The following IQCM variants were observed in gnomAD, a reference collection of about 807,000 sequenced individuals.
The protein encoded by IQCM is IQ motif containing M, also known as IQ domain-containing protein M.
In IQCM, 45 loss-of-function variants were observed where a neutral mutation model predicts 57.6. The ratio of observed to expected loss-of-function variants is 0.78; its 90% CI spans 0.62 to 1.00. IQCM has a LOEUF of 1.00. Among genes scored for constraint, IQCM ranks in the 50% least tolerant of loss-of-function variants. The pLI is 0.00. For synonymous variants in IQCM, 148 were observed against 158.9 expected (o/e 0.93, Z 0.51); for missense variants, 468 against 511.6 (o/e 0.91, Z 0.82).
chr4:149,695,330 A>T (rs1240069039), intron 5 of IQCM, among the ~76,000 whole-genome samples: 1 of 152,242 alleles, frequency 6.6e-6, no homozygotes, highest in Non-Finnish European at 1.5e-5. Flanking sequence ...CTTAGGAATG[A>T]AATTAACTAC....
At chr4:149,493,944 G>A (rs2149780795) in intron 12 of IQCM, among the ~76,000 whole-genome samples, 1 of 151,284 alleles carries the variant, frequency 6.6e-6, no homozygotes, top group African/African-American at 2.4e-5. Flanking sequence ...TTTCTGAAGA[G>A]CAGAATTATA....
intron 12 of IQCM, among the ~76,000 whole-genome samples, chr4:149,538,221 A>T (rs532164778): frequency 2.6e-5 from 4 of 151,822 alleles, no homozygotes; most frequent in Non-Finnish European, 5.9e-5. Flanking sequence ...TATGTTATAC[A>T]TATGACAGTA....
chr4:149,767,049 A>G (rs1372089002), intron 2 of IQCM, among the ~76,000 whole-genome samples: 1 of 152,078 alleles, frequency 6.6e-6, no homozygotes, highest in African/African-American at 2.4e-5. Context: ...TAAAAGGATC[A>G]TATTTTATAA....
chr4:149,376,197 T>A (rs529947006), intron 13 of IQCM, among the ~76,000 whole-genome samples: 240 of 152,272 alleles, frequency 1.6e-3, no homozygotes, highest in African/African-American at 5.5e-3. Context: ...TTGGAAAATG[T>A]TTTAAGTGAA....
chr4:149,490,842 A>G (rs1742015724), intron 12 of IQCM, among the ~76,000 whole-genome samples: 1 of 152,114 alleles, frequency 6.6e-6, no homozygotes, highest in South Asian at 2.1e-4. Flanking sequence ...CGCTAATCAC[A>G]ATCGCCCGTG....
Position 149,575,599 on chromosome 4 carries a change from C to A in IQCM, c.750-11709G>T, listed in dbSNP as rs55970465. 8.7e-3 allele frequency among the ~76,000 whole-genome samples: 1,324 copies of A among 151,936 alleles called. 12 individuals are homozygous for A. Among genetic ancestry groups the A allele is most frequent in the African/African-American group, 0.03 (1,253 of 41,498 alleles). Reference sequence around the variant, plus strand: ...CCCAATCATTCCTCAAAATGCTACTCCATGCCAATCCCCAAAAAACAAGTG... The same window carrying A: ...CCCAATCATTCCTCAAAATGCTACTACATGCCAATCCCCAAAAAACAAGTG... On this transcript the variant is annotated intron_variant, in intron 9 of 13. Transcript: ENST00000636793.
At position 149,784,622 on chromosome 4, in the gene IQCM, G is replaced by A. The variant is rs1771913979; in HGVS notation, c.-49+30689C>T. On this transcript the variant is annotated intron_variant, in intron 2 of 13. Transcript: ENST00000636793. Reference sequence around the variant, plus strand: ...AGTAGAGAGGGGTTTCACCGTGTTAGCCAGGATGGTCTGCATCTCCTGACC... The same window carrying A: ...AGTAGAGAGGGGTTTCACCGTGTTAACCAGGATGGTCTGCATCTCCTGACC... 2.0e-5 allele frequency among the ~76,000 whole-genome samples: 3 copies of A among 152,222 alleles called. 1 individual carries two copies. The Middle Eastern group carries it at 0.01, about 518-fold the overall frequency.
chr4:149,524,237 A>T lies in IQCM; in HGVS notation c.1228+24218T>A, dbSNP rs1745940339. Among the ~76,000 whole-genome samples the T allele has an allele frequency of 2.0e-5, 3 of 152,126 alleles. No homozygotes were observed. In the South Asian group the frequency reaches 6.2e-4, roughly 32 times the overall value. On this transcript the variant is annotated intron_variant, in intron 12 of 13. Transcript: ENST00000636793. Reference sequence around the variant, plus strand: ...GGTAATACAAGTCAATTTGGTGGTTATCTCTTGGAGTGGTGTACTGACTGA... The same window carrying T: ...GGTAATACAAGTCAATTTGGTGGTTTTCTCTTGGAGTGGTGTACTGACTGA...
intron 9 of IQCM, among the ~76,000 whole-genome samples, chr4:149,571,421 A>G (rs1751149220): frequency 6.6e-6 from 1 of 152,106 alleles, no homozygotes; most frequent in South Asian, 2.1e-4. Flanking sequence ...GACCTCACTC[A>G]TGTGGAATCT....
chr4:149,778,986 C>A (rs890267864), intron 2 of IQCM, among the ~76,000 whole-genome samples: 1 of 152,118 alleles, frequency 6.6e-6, no homozygotes, highest in African/African-American at 2.4e-5. Flanking sequence ...CTTCCAAGTT[C>A]ATTTTACTAA....
chr4:149,639,870 A>C (rs1758041511), intron 7 of IQCM, among the ~76,000 whole-genome samples: 1 of 152,180 alleles, frequency 6.6e-6, no homozygotes, highest in African/African-American at 2.4e-5. Flanking sequence ...TGGAGGTTGC[A>C]TTGAGCCAGA....
chr4:149,808,030 A>G (rs1774237117), intron 2 of IQCM, among the ~76,000 whole-genome samples: 2 of 152,166 alleles, frequency 1.3e-5, no homozygotes, highest in South Asian at 4.1e-4. Context: ...AAAACTAAAA[A>G]TAGAACTACC....
At chr4:149,796,982 C>T (rs1490674441) in intron 2 of IQCM, among the ~76,000 whole-genome samples, 1 of 151,992 alleles carries the variant, frequency 6.6e-6, no homozygotes, top group Non-Finnish European at 1.5e-5. Flanking sequence ...ACAATAAATA[C>T]CTAACTCTTC....
chr4:149,771,313 A>C (rs1770556197), intron 2 of IQCM, among the ~76,000 whole-genome samples: 1 of 152,018 alleles, frequency 6.6e-6, no homozygotes, highest in African/African-American at 2.4e-5. Context: ...TGTCAAGCAC[A>C]ATGCCTTATC....
chr4:149,615,541 G>A (rs755765027), intron 8 of IQCM, among the ~76,000 whole-genome samples: 1 of 152,104 alleles, frequency 6.6e-6, no homozygotes, highest in Non-Finnish European at 1.5e-5. Context: ...TGTGGTTGCA[G>A]AAGTGAAACG....
intron 7 of IQCM, among the ~76,000 whole-genome samples, chr4:149,637,475 CA>C (rs1757829837): frequency 1.3e-5 from 2 of 152,040 alleles, no homozygotes; most frequent in Admixed American, 6.6e-5. Context: ...TATATAGATT[CA>C]AAGTAATCCC....
intron 10 of IQCM, among the ~76,000 whole-genome samples, chr4:149,558,911 T>C (rs905095788): frequency 6.6e-6 from 1 of 152,162 alleles, no homozygotes; most frequent in African/African-American, 2.4e-5. Context: ...CCACAAAAGT[T>C]TTAAACTCAG....
chr4:149,389,274 C>T (rs1158990132), intron 13 of IQCM, among the ~76,000 whole-genome samples: 1 of 151,876 alleles, frequency 6.6e-6, no homozygotes, highest in Non-Finnish European at 1.5e-5. Context: ...TTTGTGGCAA[C>T]CTTATAAAAA....
In IQCM at chr4:149,435,572, TA is replaced by T. The variant is rs112641970; in HGVS notation, c.1229-2016del. ...GTTACAGTGTACTCCTTCTACTTAT[TA>T]AAAAAAAAAAAAACAGTAAAACAGC... On this transcript the variant is annotated intron_variant, in intron 12 of 13. Transcript: ENST00000636793. Among the ~76,000 whole-genome samples the T allele has an allele frequency of 3.7e-3, 517 of 139,680 alleles. 1 individual carries two copies. Among genetic ancestry groups the T allele is most frequent in the Middle Eastern group, 0.029 (8 of 276 alleles). 91.6% of individuals were successfully genotyped at this position (139,680 alleles called of 152,430 possible). A position where few individuals can be genotyped will look rare whatever the true frequency, so the allele number is the denominator to read the frequency against.
Sources: gnomAD v4.1 joint callset for allele counts (sites outside exome capture counted in the v4.1 genomes callset) on GRCh38, gnomAD v4.1.1 for gene constraint, MANE v1.5 for transcripts, NCBI Gene and HGNC (gene_info 2026-07-23, HGNC 2026-07-21) for gene names.